LRP1B: variants seen among roughly 807,000 people sequenced by gnomAD.
LRP1B encodes the protein LDL receptor related protein 1B, also known as low-density lipoprotein receptor-related protein 1B.
Under a neutral mutation model 556.6 loss-of-function variants are expected in LRP1B, and 217 were observed. The ratio of observed to expected loss-of-function variants is 0.39; its 90% CI spans 0.35 to 0.44. The LOEUF is 0.44. LRP1B is among the 20% of genes least tolerant of loss of function. LRP1B has a pLI of 1.00. For missense variants in LRP1B, 5,053 were observed against 5,620.8 expected, an observed-to-expected ratio of 0.90 and a Z score of 3.23; for synonymous variants, 2,047 against 1,865.8, an observed-to-expected ratio of 1.10 and a Z score of -2.50.
intron 23 of LRP1B, among the ~76,000 whole-genome samples, chr2:140,894,018 T>G (rs1693875699): frequency 1.3e-5 from 2 of 151,980 alleles, no homozygotes; most frequent in South Asian, 2.1e-4. Flanking sequence ...TCACAGAAAA[T>G]AGAGAGATAC....
intron 6 of LRP1B, chr2:141,208,107 TA>T (rs1682364392): frequency 6.6e-6 from 1 of 152,266 alleles, no homozygotes; most frequent in Admixed American, 6.5e-5. Context: ...TATCTGGTCA[TA>T]CTGACTGAGA....
At chr2:140,674,626 C>G (rs1685606584) in intron 41 of LRP1B, among the ~76,000 whole-genome samples, 1 of 152,182 alleles carries the variant, frequency 6.6e-6, no homozygotes. Flanking sequence ...GTATGTCTCA[C>G]ATGTGTTGAT....
chr2:141,211,252 T>G (rs1682531017), intron 6 of LRP1B, among the ~76,000 whole-genome samples: 1 of 147,804 alleles, frequency 6.8e-6, no homozygotes. Context: ...CCTCCCAGAG[T>G]GCTGGGATTA....
At position 140,884,030 on chromosome 2, in the gene LRP1B, G is replaced by A. The variant is rs767929768; in HGVS notation, c.3965-9C>T. The A allele has an allele frequency of 1.9e-6, 3 of 1,611,666 alleles. No individual in the cohort carries two copies. Among genetic ancestry groups the A allele is most frequent in the Non-Finnish European group, 2.5e-6 (3 of 1,179,482 alleles). On this transcript the variant is annotated splice_polypyrimidine_tract_variant and intron_variant, in intron 24 of 90. Transcript: ENST00000389484. ...TTCAATGGCACTGACACCTACAAAA[G>A]AAGGAAAACCAACATGTGCACCCAT... is the stretch of plus-strand genomic sequence containing the variant.
chr2:141,013,788 T>C (rs1398240464), intron 13 of LRP1B, 43 bp from the exon 14 acceptor site: 5 of 1,177,212 alleles, frequency 4.2e-6, no homozygotes, highest in Non-Finnish European at 5.8e-6. Context: ...AACTGACCTT[T>C]AGAAACATAA....
In LRP1B at chr2:140,526,288, G is replaced by A. The variant is rs751220065; in HGVS notation, c.7825C>T (p.Arg2609Ter). The A allele has an allele frequency of 3.1e-6, 5 of 1,611,820 alleles. No homozygotes were observed. The highest frequency in any genetic ancestry group is 3.4e-6 in the Non-Finnish European group (4 of 1,178,604). Residue 2609 changes from arginine to a stop codon, truncating the protein, a stop_gained, in exon 48 of 91, where the codon CGA (arginine) becomes TGA (stop). Coordinates refer to ENST00000389484, the MANE Select transcript of LRP1B (RefSeq NM_018557.3). LOFTEE classifies it high-confidence loss of function. The stretch of plus-strand genomic sequence containing the variant: ...GCACAATCTATGTTCTGGTTGCATC[G>A]TGCTGATCTTGGAATACAAGTCCCA... ...ADGTCIPRSA[R>*]CNQNIDCADA...
chr2:141,861,098 A>G (rs985266252), intron 1 of LRP1B, among the ~76,000 whole-genome samples: 1 of 152,232 alleles, frequency 6.6e-6, no homozygotes, highest in South Asian at 2.1e-4. Flanking sequence ...TTAAAGTTCT[A>G]GAGTAGTAAA....
At chr2:140,602,761 C>T (rs1407542475) in intron 41 of LRP1B, among the ~76,000 whole-genome samples, 1 of 151,048 alleles carries the variant, frequency 6.6e-6, no homozygotes, top group Non-Finnish European at 1.5e-5. Context: ...TCTTTTTTTA[C>T]ATACAACATG....
At chr2:140,659,024 G>A (rs1684989959) in intron 41 of LRP1B, among the ~76,000 whole-genome samples, 1 of 135,342 alleles carries the variant, frequency 7.4e-6, no homozygotes, top group Admixed American at 7.8e-5. Flanking sequence ...ATGATGGGTT[G>A]TTTCTGAGTT....
chr2:141,622,296 A>G (rs1688532936), intron 2 of LRP1B, among the ~76,000 whole-genome samples: 1 of 152,230 alleles, frequency 6.6e-6, no homozygotes, highest in South Asian at 2.1e-4. Flanking sequence ...ACATTATACA[A>G]TTAAATTGCT....
intron 1 of LRP1B, among the ~76,000 whole-genome samples, chr2:142,125,948 T>A (rs1014560383): frequency 1.1e-4 from 17 of 152,002 alleles, no homozygotes; most frequent in African/African-American, 3.8e-4. Context: ...TGAAGAAATT[T>A]AAGAAAAGTT....
intron 1 of LRP1B, among the ~76,000 whole-genome samples, chr2:142,053,065 A>G (rs1704521046): frequency 2.0e-5 from 3 of 152,252 alleles, no homozygotes; most frequent in African/African-American, 7.2e-5. Context: ...TGCAGGAAAA[A>G]GACAAACAAA....
At chr2:141,639,311 TA>T (rs1367980109) in intron 2 of LRP1B, among the ~76,000 whole-genome samples, 687 of 4,514 alleles carry the variant, frequency 0.15, 12 homozygotes, top group African/African-American at 0.28. Context: ...TGTGTATATA[TA>T]TATATATATA....
At chr2:141,903,644 A>G (rs891085119) in intron 1 of LRP1B, among the ~76,000 whole-genome samples, 1 of 151,962 alleles carries the variant, frequency 6.6e-6, no homozygotes, top group African/African-American at 2.4e-5. Flanking sequence ...AAGCAATTAA[A>G]TTTATTGAGC....
At chr2:140,532,962 C>T (rs192202630) in intron 47 of LRP1B, among the ~76,000 whole-genome samples, 16 of 45,928 alleles carry the variant, frequency 3.5e-4, no homozygotes, top group African/African-American at 9.5e-4. Context: ...ATATATATCT[C>T]GATCTGTTTA....
At chr2:140,336,903 G>A (rs1206698850) in intron 77 of LRP1B, among the ~76,000 whole-genome samples, 1 of 151,750 alleles carries the variant, frequency 6.6e-6, no homozygotes, top group Non-Finnish European at 1.5e-5. Flanking sequence ...GTATTCCCAG[G>A]GGTATTATGG....
At chr2:141,896,801 T>C (rs914899921) in intron 1 of LRP1B, among the ~76,000 whole-genome samples, 9 of 152,202 alleles carry the variant, frequency 5.9e-5, no homozygotes, top group Non-Finnish European at 1.3e-4. Flanking sequence ...TAAAACACCA[T>C]TGTGTGTGAA....
intron 2 of LRP1B, among the ~76,000 whole-genome samples, chr2:141,717,488 C>A (rs1446617220): frequency 6.6e-6 from 1 of 152,138 alleles, no homozygotes; most frequent in Admixed American, 6.5e-5. Flanking sequence ...TCAGTTCTTG[C>A]CACCTTGGCT....
chr2:141,610,258 G>T (rs1216963218), intron 2 of LRP1B, among the ~76,000 whole-genome samples: 1 of 147,760 alleles, frequency 6.8e-6, no homozygotes, highest in Non-Finnish European at 1.5e-5. Flanking sequence ...CATGACACAT[G>T]TATACATATG....
Sources: allele counts gnomAD v4.1 joint callset (sites outside exome capture counted in the v4.1 genomes callset), GRCh38; gene constraint gnomAD v4.1.1; transcripts MANE v1.5; gene names NCBI Gene and HGNC (gene_info 2026-07-23, HGNC 2026-07-21).